Variants in CFAP96 observed in about 807,000 individuals in gnomAD.
CFAP96 encodes the protein cilia-and flagella-associated protein 96.
the CFAP96 span, among the ~76,000 whole-genome samples, chr4:185,444,256 A>G: frequency 8.9e-4 from 135 of 151,588 alleles, no homozygotes; most frequent in Admixed American, 1.5e-3. Flanking sequence ...CCCGGCCTGT[A>G]TCTTTCAAAT....
the CFAP96 span, among the ~76,000 whole-genome samples, chr4:185,435,389 T>G: frequency 6.6e-6 from 1 of 152,220 alleles, no homozygotes; most frequent in African/African-American, 2.4e-5. Context: ...TATTAAAATT[T>G]GTTTACTTCA....
At chr4:185,415,659 TG>T in the CFAP96 span, 5 of 1,512,434 alleles carry the variant, frequency 3.3e-6, no homozygotes, top group Admixed American at 1.8e-5. Context: ...AACATGGGTT[TG>T]GGGAAGGGCC....
the CFAP96 span, among the ~76,000 whole-genome samples, chr4:185,443,127 C>A: frequency 1.3e-5 from 2 of 151,574 alleles, no homozygotes; most frequent in East Asian, 3.9e-4. Context: ...TGAAAGAATT[C>A]ACAGTGAAGC....
the CFAP96 span, among the ~76,000 whole-genome samples, chr4:185,417,915 G>A: frequency 6.6e-6 from 1 of 151,980 alleles, no homozygotes; most frequent in African/African-American, 2.4e-5. Context: ...ATGGTGGCAG[G>A]TGCCTGTAAT....
the CFAP96 span, among the ~76,000 whole-genome samples, chr4:185,414,684 T>C: frequency 2.6e-5 from 4 of 152,236 alleles, no homozygotes; most frequent in African/African-American, 9.6e-5. Context: ...ATGCTGGTCA[T>C]GTTTTCTCCA....
the CFAP96 span, among the ~76,000 whole-genome samples, chr4:185,413,527 G>A: frequency 7.9e-5 from 12 of 152,156 alleles, no homozygotes; most frequent in Non-Finnish European, 1.5e-4. Context: ...GATAAATGTG[G>A]TATATCTACC....
chr4:185,421,792 T>A, the CFAP96 span, among the ~76,000 whole-genome samples: 2 of 152,244 alleles, frequency 1.3e-5, no homozygotes, highest in Non-Finnish European at 2.9e-5. Flanking sequence ...CTACTCGTAC[T>A]TTTCATGAGT....
At chr4:185,449,668 T>C in the CFAP96 span, 51 of 1,490,146 alleles carry the variant, frequency 3.4e-5, no homozygotes, top group Non-Finnish European at 4.5e-5. Flanking sequence ...AGTAGCTTTC[T>C]AGATCTTAAC....
the CFAP96 span, chr4:185,415,480 T>C: frequency 2.3e-6 from 2 of 859,232 alleles, no homozygotes; most frequent in Non-Finnish European, 3.4e-6. Context: ...GTCTGAATTA[T>C]ACATTATAAA....
chr4:185,421,240 A>T, the CFAP96 span, among the ~76,000 whole-genome samples: 15 of 152,316 alleles, frequency 9.8e-5, no homozygotes, highest in African/African-American at 3.6e-4. Context: ...GGTGGAAAAG[A>T]ATATTCTGCA....
At chr4:185,435,939 G>C in the CFAP96 span, 1 of 804,886 alleles carries the variant, frequency 1.2e-6, no homozygotes, top group Non-Finnish European at 1.8e-6. Context: ...ATTAAAACTA[G>C]CATTTTTTTC....
At chr4:185,433,050 T>C in the CFAP96 span, among the ~76,000 whole-genome samples, 1 of 152,080 alleles carries the variant, frequency 6.6e-6, no homozygotes, top group Admixed American at 6.5e-5. Flanking sequence ...AAGAAAATAA[T>C]TGATCAAAAA....
chr4:185,418,365 T>C, the CFAP96 span: 3 of 1,139,136 alleles, frequency 2.6e-6, no homozygotes, highest in Non-Finnish European at 3.8e-6. Flanking sequence ...GGTTAAATTA[T>C]TTCTAAGATT....
At chr4:185,444,819 C>T in the CFAP96 span, 1 of 679,448 alleles carries the variant, frequency 1.5e-6, no homozygotes. Context: ...GTAGGGAGAC[C>T]TTTTGGTGGT....
At chr4:185,449,492 C>T in the CFAP96 span, 33 of 694,522 alleles carry the variant, frequency 4.8e-5, no homozygotes, top group Non-Finnish European at 7.6e-5. Flanking sequence ...CACTGCACTC[C>T]AGCCTGGGCA....
At chr4:185,434,990 C>T in the CFAP96 span, among the ~76,000 whole-genome samples, 1 of 152,026 alleles carries the variant, frequency 6.6e-6, no homozygotes, top group Non-Finnish European at 1.5e-5. Flanking sequence ...ATCTGCCCAC[C>T]TCAGCCTCCC....
the CFAP96 span, chr4:185,413,998 G>A: frequency 5.1e-6 from 4 of 778,832 alleles, no homozygotes; most frequent in Admixed American, 1.2e-4. Flanking sequence ...AAACACTTAT[G>A]GTTTAATTCA....
the CFAP96 span, among the ~76,000 whole-genome samples, chr4:185,410,065 T>C: frequency 2.0e-5 from 3 of 152,034 alleles, no homozygotes; most frequent in East Asian, 3.8e-4. Flanking sequence ...AGGGAACAAA[T>C]ACAAGTTTCA....
the CFAP96 span, chr4:185,425,808 G>C: frequency 6.3e-7 from 1 of 1,582,232 alleles, no homozygotes; most frequent in East Asian, 2.3e-5. Flanking sequence ...GCCCGCTCGT[G>C]GCGGCTGCCA....
Sources: allele counts gnomAD v4.1 joint callset (sites outside exome capture counted in the v4.1 genomes callset), GRCh38; gene constraint gnomAD v4.1.1; transcripts MANE v1.5; gene names NCBI Gene and HGNC (gene_info 2026-07-23, HGNC 2026-07-21).